ZNF471: variants seen among roughly 807,000 people sequenced by gnomAD.
ZNF471 encodes the protein EZFIT-related protein 1.
A neutral mutation model predicts 13.7 loss-of-function variants in ZNF471; 7 were observed. That is an observed-to-expected ratio of 0.51 (90% CI 0.29 to 0.96). The LOEUF (loss-of-function observed/expected upper bound fraction) is 0.96, where lower values mean the gene tolerates loss of function less well. ZNF471 is among the 40% of genes least tolerant of loss of function. ZNF471 has a pLI of 0.08. For synonymous variants in ZNF471, 218 were observed against 235.6 expected (o/e 0.93, Z 0.68); for missense variants, 663 against 743.3 (o/e 0.89, Z 1.26).
Position 56,516,497 on chromosome 19 carries a change from A to C in ZNF471, c.160+96A>C. 8.7e-7 allele frequency: 1 copy of C among 1,148,232 alleles called. No homozygotes were observed. Among genetic ancestry groups the C allele is most frequent in the Admixed American group, 2.5e-5 (1 of 39,802 alleles). The allele number at this position is 1,148,232 out of a possible 1,614,324, so 71.1% of individuals were successfully genotyped here. On this transcript the variant is annotated intron_variant, in intron 3 of 4. Transcript: ENST00000308031. The surrounding 1 kb of genome is among the most constrained non-coding windows in gnomAD (Gnocchi z 4.4). The stretch of plus-strand genomic sequence containing the variant: ...TTTTATTATATGTAGGTCAGAATGG[A>C]ATTTGGGAATGGAATCTGAGAAACA...
Position 56,525,892 on chromosome 19 carries a change from A to T in ZNF471, c.1825A>T (p.Arg609Ter). 1 of 1,587,724 alleles carries T rather than the reference A, an allele frequency of 6.3e-7. No homozygotes were observed. Among genetic ancestry groups the T allele is most frequent in the Non-Finnish European group, 8.5e-7 (1 of 1,171,332 alleles). Residue 609 changes from arginine to a stop codon, truncating the protein, a stop_gained, in exon 5 of 5, where the codon AGA becomes TGA. Transcript: ENST00000308031. LOFTEE classifies it low-confidence loss of function (END_TRUNC). ...YQCFECGKAF[R>*]RKLSLICHQR... ...GTGTTTTGAATGTGGGAAGGCGTTC[A>T]GAAGAAAGTTATCCTTAATTTGTCA...
intron 1 of ZNF471, 71 bp downstream of exon 1, chr19:56,507,991 C>G (rs1193800271): frequency 1.0e-6 from 1 of 985,774 alleles, no homozygotes; most frequent in Non-Finnish European, 1.2e-6. Context: ...GCGGGCGGCT[C>G]CGACGCGGGT....
At position 56,525,089 on chromosome 19, in the gene ZNF471, C is replaced by G; in HGVS notation, c.1022C>G (p.Thr341Ser). The G allele has an allele frequency of 6.2e-7, 1 of 1,613,944 alleles. No homozygotes were observed. Among genetic ancestry groups the G allele is most frequent in the Non-Finnish European group, 8.5e-7 (1 of 1,179,960 alleles). Residue 341 changes from threonine (T) to serine (S), a missense_variant, in exon 5 of 5, where the codon ACT becomes AGT. Physicochemically the swap from Thr to Ser is moderately conservative, Grantham distance 58. Transcript: ENST00000308031. Reference sequence around the variant, plus strand: ...TTTGCTCGACATCAGAGATGTCACACTGGCAAAAGACCCTATGAATGTATT... The same window carrying G: ...TTTGCTCGACATCAGAGATGTCACAGTGGCAAAAGACCCTATGAATGTATT... The part of the protein sequence containing the change: ...SSFARHQRCH[T>S]GKRPYECIEC...
rs2043991131 is a variant in ZNF471 at position 56,522,817 on chromosome 19, A to T, written c.257-1507A>T. 6.6e-6 allele frequency among the ~76,000 whole-genome samples: 1 copy of T among 151,850 alleles called. No homozygotes were observed. The highest frequency in any genetic ancestry group is 2.4e-5 in the African/African-American group (1 of 41,312). ...AATGGCACAGTCTTGGCTCACTGCA[A>T]CCTATGCCTCCTGGGTTCAAGCAAT... is the stretch of plus-strand genomic sequence containing the variant. On this transcript the variant is annotated intron_variant, in intron 4 of 4. Coordinates refer to ENST00000308031, the MANE Select transcript of ZNF471 (RefSeq NM_020813.4). This position sits in a 1 kb window ranked among gnomAD's most constrained non-coding sequence, Gnocchi z 4.1.
chr19:56,511,876 G>T (rs1011196996), intron 2 of ZNF471, among the ~76,000 whole-genome samples: 2 of 152,168 alleles, frequency 1.3e-5, no homozygotes, highest in Non-Finnish European at 2.9e-5. Flanking sequence ...GATTTATGTT[G>T]TGTGGAATAT....
chr19:56,523,357 CT>C (rs201870381), intron 4 of ZNF471, among the ~76,000 whole-genome samples: 8,029 of 136,170 alleles, frequency 0.059, 397 homozygotes, highest in African/African-American at 0.14. Flanking sequence ...GTGAAACCCT[CT>C]TTTTTTTTTT....
At position 56,516,660 on chromosome 19, in the gene ZNF471, C is replaced by T. The variant is rs759888697; in HGVS notation, c.160+259C>T. On this transcript the variant is annotated intron_variant, in intron 3 of 4. Transcript: ENST00000308031. The surrounding 1 kb of genome is among the most constrained non-coding windows in gnomAD (Gnocchi z 4.4). Reference sequence around the variant, plus strand: ...GAATCTCACCAGTCTCCTCAGTTTCCTTGTTCTCTCTCTCCTACAGAATTA... The same window carrying T: ...GAATCTCACCAGTCTCCTCAGTTTCTTTGTTCTCTCTCTCCTACAGAATTA... Among the ~76,000 whole-genome samples the T allele has an allele frequency of 3.3e-5, 5 of 152,166 alleles. No individual in the cohort carries two copies. Among genetic ancestry groups the T allele is most frequent in the Non-Finnish European group, 7.4e-5 (5 of 68,010 alleles).
intron 2 of ZNF471, among the ~76,000 whole-genome samples, chr19:56,514,227 A>G (rs532872601): frequency 6.6e-6 from 1 of 151,870 alleles, no homozygotes; most frequent in African/African-American, 2.4e-5. Context: ...ATGCACAGCC[A>G]ATTTTTGTAT....
At chr19:56,519,027 T>C (rs1467280877) in intron 4 of ZNF471, among the ~76,000 whole-genome samples, 1 of 152,118 alleles carries the variant, frequency 6.6e-6, no homozygotes, top group Admixed American at 6.5e-5. Context: ...CCTGATCAGC[T>C]CCTTCCTACT....
intron 1 of ZNF471, among the ~76,000 whole-genome samples, chr19:56,509,607 T>A (rs1186148830): frequency 6.6e-6 from 1 of 151,490 alleles, no homozygotes; most frequent in African/African-American, 2.4e-5. Flanking sequence ...TGTCTCCAGG[T>A]AGATAGTGTC....
chr19:56,523,757 A>C (rs1198117002), intron 4 of ZNF471, among the ~76,000 whole-genome samples: 1 of 152,208 alleles, frequency 6.6e-6, no homozygotes, highest in Non-Finnish European at 1.5e-5. Context: ...TACAGGCATG[A>C]AATATTACCA....
In ZNF471 at chr19:56,522,799, C is replaced by T. The variant is rs1220408194; in HGVS notation, c.257-1525C>T. On this transcript the variant is annotated intron_variant, in intron 4 of 4. Coordinates refer to ENST00000308031, the MANE Select transcript of ZNF471 (RefSeq NM_020813.4). This position sits in a 1 kb window ranked among gnomAD's most constrained non-coding sequence, Gnocchi z 4.1. ...TCACCCAGGCTGGAGTGCAATGGCA[C>T]AGTCTTGGCTCACTGCAACCTATGC... Among the ~76,000 whole-genome samples the T allele has an allele frequency of 6.6e-6, 1 of 151,024 alleles. No homozygotes were observed. Among genetic ancestry groups the T allele is most frequent in the Non-Finnish European group, 1.5e-5 (1 of 67,894 alleles).
chr19:56,525,213 A>G lies in ZNF471; in HGVS notation c.1146A>G (p.Lys382=), dbSNP rs1195774105. ...EKPFNCIDCG[K]AFSVHIGLIL... ...CTTTTAATTGCATTGATTGTGGGAA[A>G]GCCTTCAGTGTTCACATAGGACTTA... The change falls in exon 5 of 5, where the codon AAA becomes AAG. Residue 382 remains lysine (K), a synonymous_variant. Coordinates refer to ENST00000308031, the MANE Select transcript of ZNF471 (RefSeq NM_020813.4). 3 of 1,613,900 alleles carry G rather than the reference A, an allele frequency of 1.9e-6. 1 individual carries two copies. Among genetic ancestry groups the G allele is most frequent in the Admixed American group, 3.3e-5 (2 of 60,008 alleles).
Position 56,524,639 on chromosome 19 carries a change from C to A in ZNF471, c.572C>A (p.Ser191Tyr). ...GATAAAAAAAGCTTCTCCAAAAATT[C>A]TATGGTAATAAAACACAAGAAAGTC... Reference protein sequence around the residue: ...TSDKKSFSKNSMVIKHKKVYV... With the variant: ...TSDKKSFSKNYMVIKHKKVYV... The change falls in exon 5 of 5, where the codon TCT becomes TAT. Residue 191 changes from serine (S) to tyrosine (Y), a missense_variant. By Grantham distance (144) the Ser-to-Tyr change is moderately radical (BLOSUM62 -2). Transcript: ENST00000308031. This position sits in a 1 kb window ranked among gnomAD's most constrained non-coding sequence, Gnocchi z 4.8. 1.3e-6 allele frequency: 2 copies of A among 1,586,074 alleles called. No homozygotes were observed. The highest frequency in any genetic ancestry group is 2.4e-5 in the South Asian group (2 of 85,030).
intron 3 of ZNF471, among the ~76,000 whole-genome samples, chr19:56,518,039 T>C (rs73068061): frequency 0.14 from 21,816 of 152,134 alleles, 1,787 homozygotes; most frequent in Middle Eastern, 0.21. Flanking sequence ...CTTTTTCTAA[T>C]GGGCATGATT....
chr19:56,513,242 T>A (rs1738994864), intron 2 of ZNF471, among the ~76,000 whole-genome samples: 1 of 152,210 alleles, frequency 6.6e-6, no homozygotes, highest in Admixed American at 6.5e-5. Context: ...TTAGAAATGA[T>A]CCAGTAACCT....
Position 56,508,253 on chromosome 19 carries a change from G to A in ZNF471, c.-56+333G>A. 1.9e-6 allele frequency: 1 copy of A among 517,202 alleles called. No homozygotes were observed. The highest frequency in any genetic ancestry group is 2.3e-6 in the Non-Finnish European group (1 of 432,148). 32.0% of individuals were successfully genotyped at this position (517,202 alleles called of 1,614,324 possible). ...TCTGTGTGTGTGTGTGTGTGTGTGT[G>A]ACAGACCGAGAGTCCAGTGTGAGAC... On this transcript the variant is annotated intron_variant, in intron 1 of 4. Transcript: ENST00000308031. The surrounding 1 kb of genome is among the most constrained non-coding windows in gnomAD (Gnocchi z 4.7).
rs141132478 is a variant in ZNF471, at chr19:56,524,610, A to C, written c.543A>C (p.Thr181=). ...TAGAAGAGAGTATTTATAATCACAC[A>C]TCAGATAAAAAAAGCTTCTCCAAAA... ...ENIEESIYNH[T]SDKKSFSKNS... is the part of the protein sequence containing the mutation. The change falls in exon 5 of 5, where the codon ACA becomes ACC. Residue 181 remains threonine (T), a synonymous_variant. Transcript: ENST00000308031. This position sits in a 1 kb window ranked among gnomAD's most constrained non-coding sequence, Gnocchi z 4.8. The C allele has an allele frequency of 1.3e-6, 2 of 1,589,254 alleles. No homozygotes were observed. Among genetic ancestry groups the C allele is most frequent in the South Asian group, 1.2e-5 (1 of 85,464 alleles).
Position 56,510,862 on chromosome 19 carries a change from C to T in ZNF471, c.-55-655C>T, listed in dbSNP as rs1250420132. 1.0e-6 allele frequency: 1 copy of T among 985,308 alleles called. No individual in the cohort carries two copies. Among genetic ancestry groups the T allele is most frequent in the Non-Finnish European group, 1.2e-6 (1 of 829,956 alleles). The allele number at this position is 985,308 out of a possible 1,614,324, so 61.0% of individuals were successfully genotyped here. A position where few individuals can be genotyped will look rare whatever the true frequency, so the allele number is the denominator to read the frequency against. On this transcript the variant is annotated intron_variant, in intron 1 of 4. Transcript: ENST00000308031. This position sits in a 1 kb window ranked among gnomAD's most constrained non-coding sequence, Gnocchi z 4.3. ...AAGCTGGGGTGACTGAAGCTCCTAA[C>T]TGAAGCAGGAGACACCCTCACTTCT...
Sources: allele counts gnomAD v4.1 joint callset (sites outside exome capture counted in the v4.1 genomes callset), GRCh38; gene constraint gnomAD v4.1.1; non-coding constraint Gnocchi (gnomAD v3.1); transcripts MANE v1.5; gene names NCBI Gene and HGNC (gene_info 2026-07-23, HGNC 2026-07-21).